C8A: variants seen among roughly 807,000 people sequenced by gnomAD.
The protein encoded by C8A is complement C8 alpha chain.
C8A carries 67 observed loss-of-function variants against 65.3 expected under a neutral mutation model. That is an observed-to-expected ratio of 1.03 (90% CI 0.84 to 1.26). C8A has a LOEUF of 1.26. Among genes scored for constraint, C8A ranks in the 50% most tolerant of loss-of-function variants. C8A has a pLI of 0.00. For synonymous variants in C8A, 290 were observed against 259.4 expected, an observed-to-expected ratio of 1.12 and a Z score of -1.13; for missense variants, 781 against 723.9, an observed-to-expected ratio of 1.08 and a Z score of -0.90.
At chr1:56,860,809 A>T (rs771578576) in intron 1 of C8A, among the ~76,000 whole-genome samples, 42 of 152,196 alleles carry the variant, frequency 2.8e-4, no homozygotes, top group South Asian at 2.1e-4. Context: ...GGGTGAAAAA[A>T]GCAGAAAGAG....
intron 10 of C8A, among the ~76,000 whole-genome samples, chr1:56,914,039 C>A (rs1644531344): frequency 6.6e-6 from 1 of 152,114 alleles, no homozygotes; most frequent in Admixed American, 6.5e-5. Context: ...ACTGACAAAG[C>A]AAAGCAGGCA....
intron 2 of C8A, among the ~76,000 whole-genome samples, chr1:56,869,674 C>A (rs1453157450): frequency 6.6e-6 from 1 of 152,094 alleles, no homozygotes; most frequent in Non-Finnish European, 1.5e-5. Context: ...ATGTCAACAT[C>A]TATTATGTTT....
chr1:56,901,821 C>A (rs971721720), intron 7 of C8A, among the ~76,000 whole-genome samples: 1 of 152,028 alleles, frequency 6.6e-6, no homozygotes, highest in Non-Finnish European at 1.5e-5. Context: ...CCCACAGATG[C>A]CTTCCCTGAC....
intron 7 of C8A, among the ~76,000 whole-genome samples, chr1:56,888,663 T>C (rs1455242662): frequency 4.6e-5 from 7 of 152,164 alleles, no homozygotes; most frequent in Non-Finnish European, 1.0e-4. Context: ...TTACAATGGA[T>C]GTAAAAAATG....
At chr1:56,908,477 A>T (rs953987490) in intron 9 of C8A, among the ~76,000 whole-genome samples, 2 of 152,276 alleles carry the variant, frequency 1.3e-5, no homozygotes, top group Admixed American at 6.5e-5. Context: ...AAAAGGTCAG[A>T]TAGTAAATAT....
chr1:56,874,675 G>T (rs927214), intron 2 of C8A, among the ~76,000 whole-genome samples: 2,864 of 152,236 alleles, frequency 0.019, 70 homozygotes, highest in East Asian at 0.078. Context: ...GGGAACAGAG[G>T]TTATTCCTAG....
chr1:56,914,905 T>C (rs182875159), intron 10 of C8A, among the ~76,000 whole-genome samples: 65 of 152,282 alleles, frequency 4.3e-4, no homozygotes, highest in Non-Finnish European at 7.8e-4. Flanking sequence ...CTCGAACTCC[T>C]AGTCTCAAGT....
rs1307205124 is a variant in C8A, at chr1:56,885,342, ATAAATATATATTTATG to A, written c.856-569_856-554del. On this transcript the variant is annotated intron_variant, in intron 6 of 10. Coordinates refer to ENST00000361249, the MANE Select transcript of C8A (RefSeq NM_000562.3). ...TATATTTATTTAAATATATATTTAC[ATAAATATATATTTATG>A]TAAATATATATTTATATTTATTTAA... Among the ~76,000 whole-genome samples the A allele has an allele frequency of 4.2e-5, 4 of 94,736 alleles. 1 individual carries two copies. The highest frequency in any genetic ancestry group is 2.9e-4 in the Admixed American group (2 of 6,784). 62.2% of individuals were successfully genotyped at this position (94,736 alleles called of 152,430 possible). A position where few individuals can be genotyped will look rare whatever the true frequency, so the allele number is the denominator to read the frequency against.
intron 10 of C8A, among the ~76,000 whole-genome samples, chr1:56,916,469 G>A (rs1644553488): frequency 6.6e-6 from 1 of 152,146 alleles, no homozygotes; most frequent in African/African-American, 2.4e-5. Context: ...GCACAGAGGT[G>A]GGAGAAAGAG....
chr1:56,890,220 T>C (rs141920932), intron 7 of C8A, among the ~76,000 whole-genome samples: 2 of 152,300 alleles, frequency 1.3e-5, no homozygotes, highest in Non-Finnish European at 2.9e-5. Flanking sequence ...CTCTTCCCTG[T>C]CTTGCCAACC....
At chr1:56,879,705 G>T (rs571256899) in intron 4 of C8A, among the ~76,000 whole-genome samples, 10 of 152,234 alleles carry the variant, frequency 6.6e-5, no homozygotes, top group Admixed American at 6.5e-4. Context: ...AAAGCTAAAC[G>T]TCTAGTAGAG....
At chr1:56,914,613 A>G (rs1199405853) in intron 10 of C8A, among the ~76,000 whole-genome samples, 2 of 152,146 alleles carry the variant, frequency 1.3e-5, no homozygotes, top group African/African-American at 2.4e-5. Flanking sequence ...GAGTAGTTCT[A>G]AGTAGGAGGC....
chr1:56,879,946 C>T (rs544137232), intron 4 of C8A, among the ~76,000 whole-genome samples: 1 of 152,276 alleles, frequency 6.6e-6, no homozygotes, highest in Non-Finnish European at 1.5e-5. Flanking sequence ...ATGACGATCG[C>T]TATGCTACAG....
chr1:56,906,880 A>T, intron 8 of C8A, 88 bp downstream of exon 8: 1 of 1,515,620 alleles, frequency 6.6e-7, no homozygotes, highest in Non-Finnish European at 9.2e-7. Flanking sequence ...TTTTTTTCCC[A>T]GTTGATTGCA....
At chr1:56,855,805 T>C (rs1557693625) in intron 1 of C8A, among the ~76,000 whole-genome samples, 1 of 152,130 alleles carries the variant, frequency 6.6e-6, no homozygotes, top group Non-Finnish European at 1.5e-5. Flanking sequence ...GAATCATTAG[T>C]GCTTTTAAAT....
chr1:56,867,256 T>C (rs1644098936), intron 1 of C8A, among the ~76,000 whole-genome samples: 1 of 152,162 alleles, frequency 6.6e-6, no homozygotes, highest in African/African-American at 2.4e-5. Flanking sequence ...AGCAAGTGGT[T>C]AAGATTCAAA....
At chr1:56,910,079 A>C (rs1270540240) in intron 9 of C8A, among the ~76,000 whole-genome samples, 1 of 152,178 alleles carries the variant, frequency 6.6e-6, no homozygotes, top group Non-Finnish European at 1.5e-5. Context: ...TGAAGAAGAG[A>C]GAGATTACAG....
intron 7 of C8A, among the ~76,000 whole-genome samples, chr1:56,893,663 G>A (rs1644366161): frequency 6.6e-6 from 1 of 152,160 alleles, no homozygotes. Context: ...GTAATCATGG[G>A]CAGATAATTT....
At position 56,881,770 on chromosome 1, in the gene C8A, C is replaced by T. The variant is rs184495343; in HGVS notation, c.654+136C>T. ...GCTGGTGTCTGAAGTCTCCTTCATACCCATCCCCACACATGCTTAGTGTCG... is the reference window on the plus strand; with the variant it reads ...GCTGGTGTCTGAAGTCTCCTTCATATCCATCCCCACACATGCTTAGTGTCG... On this transcript the variant is annotated intron_variant, in intron 5 of 10. Coordinates refer to ENST00000361249, the MANE Select transcript of C8A (RefSeq NM_000562.3). The T allele has an allele frequency of 1.2e-3, 956 of 797,164 alleles. 7 individuals carry two copies. Among genetic ancestry groups the T allele is most frequent in the Non-Finnish European group, 1.1e-3 (500 of 470,990 alleles). The allele number at this position is 797,164 out of a possible 1,614,324, so 49.4% of individuals were successfully genotyped here.
Sources: gnomAD v4.1 joint callset for allele counts (sites outside exome capture counted in the v4.1 genomes callset) on GRCh38, gnomAD v4.1.1 for gene constraint, MANE v1.5 for transcripts, NCBI Gene and HGNC (gene_info 2026-07-23, HGNC 2026-07-21) for gene names.